The following LAMA3 variants were observed in gnomAD, a reference collection of about 807,000 sequenced individuals.
LAMA3 encodes the protein laminin subunit alpha 3, also known as laminin subunit alpha-3.
A neutral mutation model predicts 402.0 loss-of-function variants in LAMA3; 281 were observed. The observed-to-expected ratio is 0.70, with a 90% CI of 0.63 to 0.77. The LOEUF (loss-of-function observed/expected upper bound fraction) is 0.77. Among genes scored for constraint, LAMA3 ranks in the 30% least tolerant of loss-of-function variants. LAMA3 has a pLI of 0.00. For missense variants in LAMA3, 3,840 were observed against 4,215.5 expected, an observed-to-expected ratio of 0.91 and a Z score of 2.47; for synonymous variants, 1,431 against 1,558.4, an observed-to-expected ratio of 0.92 and a Z score of 1.93.
At chr18:23,954,397 T>G in intron 74 of LAMA3, 106 bp from the exon 75 acceptor site, 1 of 825,976 alleles carries the variant, frequency 1.2e-6, no homozygotes. Context: ...AGCAGGACCC[T>G]GTCTAAAAAA....
At chr18:23,755,339 CAT>C (rs2061824473) in intron 6 of LAMA3, among the ~76,000 whole-genome samples, 2 of 152,220 alleles carry the variant, frequency 1.3e-5, no homozygotes, top group Non-Finnish European at 2.9e-5. Flanking sequence ...TCCCAATACA[CAT>C]GTGTGGAGGT....
rs1330055464 is a variant in LAMA3, at chr18:23,856,886, TAGGTTAGCCCCC to T, written c.4137-955_4137-944del. Among the ~76,000 whole-genome samples, 8 of 152,272 alleles carry T rather than the reference TAGGTTAGCCCCC, an allele frequency of 5.3e-5. No individual in the cohort carries two copies. In the East Asian group the frequency reaches 1.5e-3, roughly 29 times the overall value. ...CCTCCCCATCTGGATACCTTTGCCCTAGGTTAGCCCCCAGTCTCTCTCCTGACTTGACATCCT... is the reference window on the plus strand; with the variant it reads ...CCTCCCCATCTGGATACCTTTGCCCTAGTCTCTCTCCTGACTTGACATCCT... On this transcript the variant is annotated intron_variant, in intron 32 of 74. Coordinates refer to ENST00000313654, the MANE Select transcript of LAMA3 (RefSeq NM_198129.4).
chr18:23,778,818 T>C (rs1846586935), intron 11 of LAMA3, among the ~76,000 whole-genome samples: 1 of 152,228 alleles, frequency 6.6e-6, no homozygotes, highest in African/African-American at 2.4e-5. Context: ...GCAGAGAAGA[T>C]GGTTTCTGAA....
intron 23 of LAMA3, among the ~76,000 whole-genome samples, chr18:23,831,456 C>T (rs766641708): frequency 6.6e-6 from 1 of 151,996 alleles, no homozygotes; most frequent in East Asian, 1.9e-4. Context: ...TACCCAAACA[C>T]TCTTCTCTCC....
intron 2 of LAMA3, among the ~76,000 whole-genome samples, chr18:23,747,156 C>G (rs921845280): frequency 6.6e-6 from 1 of 152,068 alleles, no homozygotes; most frequent in African/African-American, 2.4e-5. Flanking sequence ...TGCTTAACAC[C>G]GTGTTCAATG....
At chr18:23,709,661 G>C (rs560465027) in intron 1 of LAMA3, among the ~76,000 whole-genome samples, 59 of 152,224 alleles carry the variant, frequency 3.9e-4, no homozygotes, top group African/African-American at 1.3e-3. Flanking sequence ...AAAAAATAAA[G>C]TGGCCTGTCC....
In LAMA3 at chr18:23,695,736, G is replaced by T. The variant is rs1266065469; in HGVS notation, c.294+5759G>T. 1.5e-5 allele frequency among the ~76,000 whole-genome samples: 2 copies of T among 136,900 alleles called. 1 individual carries two copies. The highest frequency in any genetic ancestry group is 4.4e-4 in the East Asian group (2 of 4,504). 89.8% of individuals were successfully genotyped at this position (136,900 alleles called of 152,430 possible). A position where few individuals can be genotyped will look rare whatever the true frequency, so the allele number is the denominator to read the frequency against. On this transcript the variant is annotated intron_variant, in intron 1 of 74. Coordinates refer to ENST00000313654, the MANE Select transcript of LAMA3 (RefSeq NM_198129.4). ...TTGCTTGAACCCAGAGGTGGAGGCT[G>T]CAGTGAGCCGAGATCACACCACTGC...
chr18:23,891,907 T>C (rs2080682493), intron 42 of LAMA3, among the ~76,000 whole-genome samples: 1 of 152,124 alleles, frequency 6.6e-6, no homozygotes, highest in Admixed American at 6.6e-5. Flanking sequence ...AGAAGAGCTA[T>C]AGTTGTTCAG....
intron 68 of LAMA3, among the ~76,000 whole-genome samples, chr18:23,941,256 C>T (rs1193920630): frequency 1.3e-5 from 2 of 151,258 alleles, no homozygotes; most frequent in Non-Finnish European, 1.5e-5. Context: ...TTTCAAGAAA[C>T]TGCCTGGAGG....
intron 36 of LAMA3, 118 bp from the exon 37 acceptor site, chr18:23,867,716 T>A (rs1208514682): frequency 1.2e-6 from 1 of 811,652 alleles, no homozygotes; most frequent in African/African-American, 1.7e-5. Context: ...TTCTGAACTA[T>A]TTTTTTAAGT....
At chr18:23,698,650 C>T (rs575091315) in intron 1 of LAMA3, among the ~76,000 whole-genome samples, 68 of 152,366 alleles carry the variant, frequency 4.5e-4, no homozygotes, top group African/African-American at 1.6e-3. Flanking sequence ...TGAGGTGATT[C>T]TTAAAGTAGA....
At chr18:23,814,590 T>G (rs561185760) in intron 15 of LAMA3, 88 bp downstream of exon 15, 10 of 839,058 alleles carry the variant, frequency 1.2e-5, no homozygotes, top group Non-Finnish European at 2.0e-5. Context: ...AAAGAGCTAT[T>G]TGTTGAATCA....
At chr18:23,906,133 C>G (rs2081241641) in intron 52 of LAMA3, among the ~76,000 whole-genome samples, 1 of 152,120 alleles carries the variant, frequency 6.6e-6, no homozygotes, top group Non-Finnish European at 1.5e-5. Flanking sequence ...TCTAAATATT[C>G]CCCACCTATC....
chr18:23,954,497 T>C lies in LAMA3; in HGVS notation c.9857-6T>C, dbSNP rs766504863. The C allele has an allele frequency of 3.3e-5, 53 of 1,613,654 alleles. No homozygotes were observed. Among genetic ancestry groups the C allele is most frequent in the Non-Finnish European group, 4.3e-5 (51 of 1,179,770 alleles). Reference sequence around the variant, plus strand: ...TTACTGAATGCCTCTCCACTTTCTCTTTCAGCCAATTTGACGACACTGAGG... The same window carrying C: ...TTACTGAATGCCTCTCCACTTTCTCCTTCAGCCAATTTGACGACACTGAGG... On this transcript the variant is annotated splice_region_variant and splice_polypyrimidine_tract_variant and intron_variant, in intron 74 of 74. Transcript: ENST00000313654.
chr18:23,902,711 A>G (rs1048621977), intron 48 of LAMA3, among the ~76,000 whole-genome samples: 1 of 152,182 alleles, frequency 6.6e-6, no homozygotes, highest in African/African-American at 2.4e-5. Flanking sequence ...GGTCTGTTTC[A>G]CAAACCAGAT....
intron 17 of LAMA3, among the ~76,000 whole-genome samples, chr18:23,816,163 G>A (rs992627838): frequency 1.3e-5 from 2 of 152,132 alleles, no homozygotes; most frequent in Non-Finnish European, 2.9e-5. Context: ...TTTTGTTTTG[G>A]TTTTGGTTTT....
chr18:23,953,194 G>C (rs2082981621), intron 74 of LAMA3, 85 bp downstream of exon 74: 1 of 1,568,032 alleles, frequency 6.4e-7, no homozygotes, highest in African/African-American at 1.4e-5. Flanking sequence ...GGCAGCTCTT[G>C]GCTGGACAGT....
At chr18:23,949,049 C>G (rs1278355824) in intron 70 of LAMA3, among the ~76,000 whole-genome samples, 2 of 152,110 alleles carry the variant, frequency 1.3e-5, no homozygotes, top group African/African-American at 4.8e-5. Context: ...GCAGAACACA[C>G]CTGGTGTATA....
At chr18:23,894,163 A>G (rs1286886689) in intron 42 of LAMA3, 135 bp from the exon 43 acceptor site, 9 of 716,338 alleles carry the variant, frequency 1.3e-5, no homozygotes, top group Non-Finnish European at 2.0e-5. Context: ...ATTACTTAAA[A>G]TGGTGAAAAC....
Sources: gnomAD v4.1 joint callset for allele counts (sites outside exome capture counted in the v4.1 genomes callset) on GRCh38, gnomAD v4.1.1 for gene constraint, MANE v1.5 for transcripts, NCBI Gene and HGNC (gene_info 2026-07-23, HGNC 2026-07-21) for gene names.